Variants in ATP10A observed in about 807,000 individuals in gnomAD.
ATP10A encodes the protein ATPase phospholipid transporting 10A (putative).
ATP10A carries 111 observed loss-of-function variants against 147.8 expected under a neutral mutation model. The ratio of observed to expected loss-of-function variants is 0.75; its 90% CI spans 0.64 to 0.88. The LOEUF is 0.88. Among genes scored for constraint, ATP10A ranks in the 40% least tolerant of loss-of-function variants. The probability of loss-of-function intolerance (pLI) is 0.00; values close to 1 mark genes in which losing one functional copy is unlikely to be tolerated. For synonymous variants in ATP10A, 875 were observed against 841.6 expected (o/e 1.04, Z -0.69); for missense variants, 1,927 against 1,959.0 (o/e 0.98, Z 0.31).
intron 2 of ATP10A, among the ~76,000 whole-genome samples, chr15:25,758,845 CGA>C (rs1888590090): frequency 1.4e-5 from 2 of 140,062 alleles, no homozygotes; most frequent in Admixed American, 1.4e-4. Flanking sequence ...TAACTCATTC[CGA>C]TCACCTGCTC....
intron 2 of ATP10A, among the ~76,000 whole-genome samples, chr15:25,773,817 TCCACACACAC>T (rs1166066834): frequency 5.7e-5 from 6 of 105,028 alleles, no homozygotes; most frequent in African/African-American, 7.3e-5. Context: ...CACCTAAACA[TCCACACACAC>T]ACACACACAC....
chr15:25,740,296 T>G (rs1260289230), intron 2 of ATP10A, among the ~76,000 whole-genome samples: 1 of 152,240 alleles, frequency 6.6e-6, no homozygotes, highest in Non-Finnish European at 1.5e-5. Flanking sequence ...TCATATTGCT[T>G]CAGCCATTGG....
At chr15:25,859,202 C>A (rs2140924584) in intron 1 of ATP10A, among the ~76,000 whole-genome samples, 1 of 152,328 alleles carries the variant, frequency 6.6e-6, no homozygotes, top group East Asian at 1.9e-4. Flanking sequence ...CAGCCCTGCC[C>A]AGCAGGACCC....
rs56367807 is a variant in ATP10A at position 25,854,450 on chromosome 15, A to G, written c.449+8198T>C. On this transcript the variant is annotated intron_variant, in intron 1 of 20. Transcript: ENST00000555815. Reference sequence around the variant, plus strand: ...AGGAATAGGGGGAAAGAAAATCCCTATTAGACCACACTACAATAATTACTA... The same window carrying G: ...AGGAATAGGGGGAAAGAAAATCCCTGTTAGACCACACTACAATAATTACTA... Among the ~76,000 whole-genome samples the G allele has an allele frequency of 8.0e-3, 1,216 of 152,362 alleles. 18 individuals are homozygous for G. The highest frequency in any genetic ancestry group is 0.028 in the African/African-American group (1,172 of 41,582).
intron 1 of ATP10A, among the ~76,000 whole-genome samples, chr15:25,817,288 G>C (rs919037450): frequency 6.6e-6 from 1 of 152,078 alleles, no homozygotes; most frequent in African/African-American, 2.4e-5. Flanking sequence ...TCACCATGTT[G>C]GTCAGGCTGG....
At chr15:25,816,164 G>A (rs1254374558) in intron 1 of ATP10A, among the ~76,000 whole-genome samples, 2 of 151,582 alleles carry the variant, frequency 1.3e-5, no homozygotes, top group Non-Finnish European at 2.9e-5. Flanking sequence ...ACAGAACTTC[G>A]AGAACAATAA....
In ATP10A at chr15:25,679,566, G is replaced by C. The variant is rs141528082; in HGVS notation, c.4275C>G (p.Pro1425=). ...TAGGCAGGCTGAAGAGGGAAGACAG[G>C]GGGGTCACCCTGCCGGTGCTGGCAG... The part of the protein sequence containing the change: ...VRAASTGRVT[P]LSSLFSLPTF... The change falls in exon 21 of 21, where the codon CCC becomes CCG. Residue 1425 remains proline, a synonymous_variant. Coordinates refer to ENST00000555815, the MANE Select transcript of ATP10A (RefSeq NM_024490.4). The C allele has an allele frequency of 1.9e-4, 301 of 1,611,404 alleles. No individual in the cohort carries two copies. Among genetic ancestry groups the C allele is most frequent in the Middle Eastern group, 4.9e-4 (3 of 6,074 alleles).
chr15:25,808,362 T>G (rs1337842653), intron 1 of ATP10A, among the ~76,000 whole-genome samples: 1 of 151,962 alleles, frequency 6.6e-6, no homozygotes, highest in Non-Finnish European at 1.5e-5. Context: ...CCAGTTTACC[T>G]CATTTTGCAG....
chr15:25,718,597 C>T (rs1295691185), intron 7 of ATP10A, among the ~76,000 whole-genome samples, 198 bp from the exon 8 acceptor site: 1 of 152,180 alleles, frequency 6.6e-6, no homozygotes, highest in Non-Finnish European at 1.5e-5. Context: ...ATTCTCAACT[C>T]TGTTTCACAG....
At position 25,690,316 on chromosome 15, in the gene ATP10A, T is replaced by C. The variant is rs115186173; in HGVS notation, c.3165+1399A>G. On this transcript the variant is annotated intron_variant, in intron 15 of 20. Transcript: ENST00000555815. ...TTGAGTGCAGTGGTGCAATCATAGT[T>C]CACTTCAGGCTCAACCTCCCAGGCT... is the stretch of plus-strand genomic sequence containing the variant. Among the ~76,000 whole-genome samples the C allele has an allele frequency of 2.0e-3, 303 of 151,650 alleles. 1 individual carries two copies. Among genetic ancestry groups the C allele is most frequent in the African/African-American group, 6.9e-3 (286 of 41,334 alleles).
chr15:25,707,899 C>G, intron 12 of ATP10A, 77 bp downstream of exon 12: 3 of 1,569,758 alleles, frequency 1.9e-6, no homozygotes, highest in Non-Finnish European at 2.6e-6. Flanking sequence ...CAGCCGCTGA[C>G]AAGAGCACTC....
At chr15:25,708,629 G>T in intron 10 of ATP10A, 1 of 213,208 alleles carries the variant, frequency 4.7e-6, no homozygotes, top group South Asian at 9.9e-5. Context: ...CTGATGTTTG[G>T]CTGTTTTTAA....
upstream of ATP10A, among the ~76,000 whole-genome samples, chr15:25,864,379 G>A (rs1893904183): frequency 6.6e-6 from 1 of 152,226 alleles, no homozygotes; most frequent in Non-Finnish European, 1.5e-5. Flanking sequence ...CCAGGAGGCC[G>A]TGGCTGGGCG....
At chr15:25,843,153 G>A (rs1051210579) in intron 1 of ATP10A, among the ~76,000 whole-genome samples, 7 of 152,180 alleles carry the variant, frequency 4.6e-5, no homozygotes, top group South Asian at 4.1e-4. Context: ...GCGCAGTCAC[G>A]CCATGTGCCT....
At chr15:25,798,104 T>G (rs1223475029) in intron 1 of ATP10A, among the ~76,000 whole-genome samples, 1 of 152,116 alleles carries the variant, frequency 6.6e-6, no homozygotes, top group Non-Finnish European at 1.5e-5. Context: ...TGGGTTGCAT[T>G]CAGCCAGCTA....
intron 1 of ATP10A, among the ~76,000 whole-genome samples, chr15:25,835,088 C>T (rs529655766): frequency 1.2e-4 from 18 of 152,022 alleles, no homozygotes; most frequent in Non-Finnish European, 2.4e-4. Context: ...CACAGTGAGA[C>T]CCAGTCTCTA....
intron 3 of ATP10A, among the ~76,000 whole-genome samples, chr15:25,732,239 T>C (rs759933050): frequency 1.3e-5 from 2 of 152,114 alleles, no homozygotes; most frequent in African/African-American, 2.4e-5. Context: ...GAACATTTTC[T>C]TCTTTCTTTT....
At chr15:25,743,921 T>TA (rs1023477521) in intron 2 of ATP10A, among the ~76,000 whole-genome samples, 3 of 152,172 alleles carry the variant, frequency 2.0e-5, no homozygotes, top group African/African-American at 7.2e-5. Flanking sequence ...TTAACAGCCT[T>TA]AATTCCACTT....
chr15:25,802,506 C>T (rs549357117), intron 1 of ATP10A, among the ~76,000 whole-genome samples: 1 of 152,282 alleles, frequency 6.6e-6, no homozygotes, highest in South Asian at 2.1e-4. Context: ...AAACCACACA[C>T]GTTTATGATG....
Sources: gnomAD v4.1 joint callset for allele counts (sites outside exome capture counted in the v4.1 genomes callset) on GRCh38, gnomAD v4.1.1 for gene constraint, MANE v1.5 for transcripts, NCBI Gene and HGNC (gene_info 2026-07-23, HGNC 2026-07-21) for gene names.